TCF4: variants seen among roughly 807,000 people sequenced by gnomAD.
TCF4 encodes transcription factor 4, also known as SL3-3 enhancer factor 2.
TCF4 carries 3 observed loss-of-function variants against 82.1 expected under a neutral mutation model. That is an observed-to-expected ratio of 0.04 (90% CI 0.02 to 0.09). The LOEUF (loss-of-function observed/expected upper bound fraction) is 0.09. Ranked by LOEUF, TCF4 falls within the 10% of genes least tolerant of loss-of-function variation. The probability of loss-of-function intolerance (pLI) is 1.00; values close to 1 mark genes in which losing one functional copy is unlikely to be tolerated. For missense variants in TCF4, 518 were observed against 852.7 expected (o/e 0.61, Z 4.89); for synonymous variants, 276 against 309.6 (o/e 0.89, Z 1.14).
At chr18:55,325,104 G>T (rs2076328836) in intron 8 of TCF4, among the ~76,000 whole-genome samples, 1 of 152,114 alleles carries the variant, frequency 6.6e-6, no homozygotes, top group Non-Finnish European at 1.5e-5. Flanking sequence ...ATAAAAACTT[G>T]CCGAATGAAT....
intron 3 of TCF4, chr18:55,495,682 A>G (rs1252538613): frequency 6.6e-6 from 1 of 152,162 alleles, no homozygotes; most frequent in Admixed American, 6.6e-5. Context: ...ACACAGAAAA[A>G]TACACATTTA....
chr18:55,490,584 T>C lies in TCF4; in HGVS notation c.146-26447A>G, dbSNP rs191935562. Among the ~76,000 whole-genome samples the C allele has an allele frequency of 7.3e-5, 11 of 151,704 alleles. No individual in the cohort carries two copies. The East Asian group carries it at 1.9e-3, about 27-fold the overall frequency. On this transcript the variant is annotated intron_variant, in intron 3 of 19. Transcript: ENST00000354452. ...GAAATTAACCTTTATTTGACAAAAA[T>C]AATTTAGATAGTTTGATTTAGAATG...
At chr18:55,512,778 A>T (rs1603618055) in intron 3 of TCF4, among the ~76,000 whole-genome samples, 1 of 152,164 alleles carries the variant, frequency 6.6e-6, no homozygotes, top group Non-Finnish European at 1.5e-5. Flanking sequence ...GTGTTTAAAA[A>T]TTTTTCAAAA....
intron 8 of TCF4, among the ~76,000 whole-genome samples, chr18:55,298,970 T>A (rs944226053): frequency 2.6e-5 from 4 of 152,272 alleles, no homozygotes; most frequent in East Asian, 3.9e-4. Flanking sequence ...TCCCTACAAT[T>A]TAGGTCAATA....
chr18:55,478,661 C>A (rs1262818792), intron 3 of TCF4, among the ~76,000 whole-genome samples: 1 of 151,808 alleles, frequency 6.6e-6, no homozygotes, highest in Non-Finnish European at 1.5e-5. Context: ...CCATGCAAAA[C>A]AAGACAAAAT....
intron 2 of TCF4, among the ~76,000 whole-genome samples, chr18:55,607,610 A>G (rs2097703316): frequency 6.6e-6 from 1 of 152,192 alleles, no homozygotes; most frequent in African/African-American, 2.4e-5. Context: ...AGGTCTGTCA[A>G]AGAGCTTCAT....
At chr18:55,556,658 T>C (rs1316858630) in intron 3 of TCF4, among the ~76,000 whole-genome samples, 1 of 152,206 alleles carries the variant, frequency 6.6e-6, no homozygotes, top group South Asian at 2.1e-4. Context: ...CCAAACCACA[T>C]GGAGAATTTC....
intron 3 of TCF4, among the ~76,000 whole-genome samples, chr18:55,525,701 A>G (rs368462784): frequency 6.6e-6 from 1 of 152,204 alleles, no homozygotes; most frequent in Non-Finnish European, 1.5e-5. Context: ...CAGTGAACCC[A>G]ATTTCCACAC....
At chr18:55,402,227 C>CA (rs2093861730) in intron 6 of TCF4, 1 of 985,120 alleles carries the variant, frequency 1.0e-6, no homozygotes, top group Non-Finnish European at 1.2e-6. Context: ...GTGGCTGGGC[C>CA]AAGGGAGTAA....
chr18:55,274,905 T>A (rs2061149029), intron 10 of TCF4, among the ~76,000 whole-genome samples: 1 of 152,110 alleles, frequency 6.6e-6, no homozygotes, highest in South Asian at 2.1e-4. Flanking sequence ...TCCTCCAGGA[T>A]AAAGAGACAT....
chr18:55,280,802 T>C (rs2062447863), intron 8 of TCF4, among the ~76,000 whole-genome samples: 1 of 151,942 alleles, frequency 6.6e-6, no homozygotes, highest in Admixed American at 6.6e-5. Flanking sequence ...GCACATCGAA[T>C]AAACACCCCA....
rs181999142 is a variant in TCF4, at chr18:55,320,404, A to C, written c.549+29955T>G. Among the ~76,000 whole-genome samples the C allele has an allele frequency of 5.3e-5, 8 of 152,366 alleles. No individual in the cohort carries two copies. In the East Asian group the frequency reaches 1.2e-3, roughly 22 times the overall value. Reference sequence around the variant, plus strand: ...TACTCGTACTTTTCAAAATAAAAGTAAACGATATTATTTCAAGTTGCCCAT... The same window carrying C: ...TACTCGTACTTTTCAAAATAAAAGTCAACGATATTATTTCAAGTTGCCCAT... On this transcript the variant is annotated intron_variant, in intron 8 of 19. Coordinates refer to ENST00000354452, the MANE Select transcript of TCF4 (RefSeq NM_001083962.2).
chr18:55,486,395 C>G lies in TCF4; in HGVS notation c.146-22258G>C, dbSNP rs2096515179. ...TGGCTTGGGGCCAGAAGTTGGAGAC[C>G]TGCCTGGCCAACATGGTGAAATTCC... On this transcript the variant is annotated intron_variant, in intron 3 of 19. Transcript: ENST00000354452. Among the ~76,000 whole-genome samples the G allele has an allele frequency of 2.6e-5, 4 of 152,078 alleles. No homozygotes were observed. The South Asian group carries it at 6.2e-4, about 24-fold the overall frequency.
At chr18:55,628,770 T>C (rs1379242254) in intron 2 of TCF4, among the ~76,000 whole-genome samples, 1 of 152,226 alleles carries the variant, frequency 6.6e-6, no homozygotes, top group Non-Finnish European at 1.5e-5. Context: ...GAACCATTAT[T>C]TTGTATGTCT....
intron 2 of TCF4, among the ~76,000 whole-genome samples, chr18:55,625,173 CAT>C (rs2097725295): frequency 6.6e-6 from 1 of 151,792 alleles, no homozygotes; most frequent in South Asian, 2.1e-4. Flanking sequence ...ACAAATATTT[CAT>C]AATCCATATA....
At chr18:55,494,004 T>C (rs997252536) in intron 3 of TCF4, among the ~76,000 whole-genome samples, 2 of 152,128 alleles carry the variant, frequency 1.3e-5, no homozygotes, top group Non-Finnish European at 2.9e-5. Context: ...TGAGGTCACA[T>C]TTGATTTTGT....
At chr18:55,464,444 T>G (rs1462233823) in intron 3 of TCF4, among the ~76,000 whole-genome samples, 1 of 152,232 alleles carries the variant, frequency 6.6e-6, no homozygotes, top group Non-Finnish European at 1.5e-5. Context: ...TATTACAATC[T>G]TTTGGATAAA....
intron 5 of TCF4, among the ~76,000 whole-genome samples, chr18:55,460,338 G>T (rs1446466007): frequency 6.6e-6 from 1 of 151,776 alleles, no homozygotes; most frequent in Non-Finnish European, 1.5e-5. Flanking sequence ...CATTGCTCAA[G>T]TTACTGCTGT....
Position 55,293,931 on chromosome 18 carries a change from C to CTTTTTTTTTTTTTTTTTTTTTTTTT in TCF4, c.550-14300_550-14276dup, listed in dbSNP as rs781150808. On this transcript the variant is annotated intron_variant, in intron 8 of 19. Transcript: ENST00000354452. Reference sequence around the variant, plus strand: ...TTTCATCTTCTAAACTTTCCAAGGACTTTTTTTTTTTTTTTTTTTTTTTTT... The same window carrying CTTTTTTTTTTTTTTTTTTTTTTTTT: ...TTTCATCTTCTAAACTTTCCAAGGACTTTTTTTTTTTTTTTTTTTTTTTTTTTTTTTTTTTTTTTTTTTTTTTTTT... Among the ~76,000 whole-genome samples the CTTTTTTTTTTTTTTTTTTTTTTTTT allele has an allele frequency of 1.2e-4, 5 of 40,054 alleles. 2 individuals carry two copies. The highest frequency in any genetic ancestry group is 2.6e-4 in the Non-Finnish European group (5 of 19,606). The allele number at this position is 40,054 out of a possible 152,430, so 26.3% of individuals were successfully genotyped here.
Sources: allele counts gnomAD v4.1 joint callset (sites outside exome capture counted in the v4.1 genomes callset), GRCh38; gene constraint gnomAD v4.1.1; transcripts MANE v1.5; gene names NCBI Gene and HGNC (gene_info 2026-07-23, HGNC 2026-07-21).